The following ZNF112 variants were observed in gnomAD, a reference collection of about 807,000 sequenced individuals.
ZNF112 encodes the protein zinc finger protein 112.
ZNF112 carries 37 observed loss-of-function variants against 77.7 expected under a neutral mutation model. The ratio of observed to expected loss-of-function variants is 0.48; its 90% CI spans 0.37 to 0.63. The LOEUF is 0.63. Ranked by LOEUF, ZNF112 falls within the 20% of genes least tolerant of loss-of-function variation. The pLI, the probability that ZNF112 is intolerant of heterozygous loss-of-function variation, is 0.00. For missense variants in ZNF112, 950 were observed against 1,077.4 expected, an observed-to-expected ratio of 0.88 and a Z score of 1.66; for synonymous variants, 333 against 363.6, an observed-to-expected ratio of 0.92 and a Z score of 0.96.
intron 1 of ZNF112, among the ~76,000 whole-genome samples, chr19:44,347,533 CT>C (rs1385264577): frequency 2.0e-5 from 1 of 50,074 alleles, no homozygotes; most frequent in East Asian, 5.9e-4. Context: ...TATCTATTAG[CT>C]TTTGGCTATA....
intron 1 of ZNF112, among the ~76,000 whole-genome samples, chr19:44,341,682 T>C (rs2123178722): frequency 6.6e-6 from 1 of 152,326 alleles, no homozygotes. Context: ...TTCATCTCGA[T>C]TTCTTGTTTT....
At chr19:44,333,321 C>A (rs1238205397) in intron 3 of ZNF112, among the ~76,000 whole-genome samples, 1 of 152,096 alleles carries the variant, frequency 6.6e-6, no homozygotes, top group Admixed American at 6.5e-5. Context: ...CTCAGGTTAC[C>A]CAGGCTGAGA....
chr19:44,342,630 G>C (rs112624834), intron 1 of ZNF112, among the ~76,000 whole-genome samples: 13,893 of 151,844 alleles, frequency 0.091, 1,024 homozygotes, highest in African/African-American at 0.2. Context: ...GCCTGGCCAA[G>C]ATGGTGAAAC....
chr19:44,346,275 C>T (rs1037160055), intron 1 of ZNF112, among the ~76,000 whole-genome samples: 3 of 152,158 alleles, frequency 2.0e-5, no homozygotes, highest in Admixed American at 1.3e-4. Context: ...CTCTCAATGC[C>T]TCTGTTCTTC....
intron 3 of ZNF112, among the ~76,000 whole-genome samples, chr19:44,332,378 G>A (rs1350550406): frequency 6.6e-6 from 1 of 152,142 alleles, no homozygotes; most frequent in Non-Finnish European, 1.5e-5. Context: ...ATGCATCTTG[G>A]TACTTTAAAA....
chr19:44,360,639 T>C (rs1306794122), upstream of ZNF112, among the ~76,000 whole-genome samples: 1 of 149,272 alleles, frequency 6.7e-6, no homozygotes, highest in Non-Finnish European at 1.5e-5. Flanking sequence ...ATCTTTTGAA[T>C]TTTATATGCA....
At chr19:44,332,094 T>G (rs1337822221) in intron 3 of ZNF112, among the ~76,000 whole-genome samples, 1 of 152,188 alleles carries the variant, frequency 6.6e-6, no homozygotes, top group Non-Finnish European at 1.5e-5. Context: ...GGAGAAATGC[T>G]TGAGCCCAGG....
At chr19:44,330,689 T>A (rs2123144712) in intron 3 of ZNF112, among the ~76,000 whole-genome samples, 1 of 152,260 alleles carries the variant, frequency 6.6e-6, no homozygotes, top group African/African-American at 2.4e-5. Flanking sequence ...TGAGCTAAGA[T>A]CATGCCACTG....
upstream of ZNF112, among the ~76,000 whole-genome samples, chr19:44,357,489 C>A (rs1970805061): frequency 6.6e-6 from 1 of 152,076 alleles, no homozygotes; most frequent in African/African-American, 2.4e-5. Context: ...TTGGTGTGGA[C>A]GCGTCTGAAA....
chr19:44,367,081 C>T, exon 1 of ZNF112: 1 of 456,032 alleles, frequency 2.2e-6, no homozygotes, highest in Non-Finnish European at 4.4e-6. Flanking sequence ...GCTCACTCAC[C>T]TGGGGCCCAA....
intron 1 of ZNF112, among the ~76,000 whole-genome samples, chr19:44,342,118 C>T (rs1181855497): frequency 6.6e-6 from 1 of 152,130 alleles, no homozygotes; most frequent in African/African-American, 2.4e-5. Flanking sequence ...TGACTAAAAA[C>T]TTTAAACTAA....
At chr19:44,330,405 C>T (rs1221329124) in intron 3 of ZNF112, among the ~76,000 whole-genome samples, 5 of 152,160 alleles carry the variant, frequency 3.3e-5, no homozygotes, top group Non-Finnish European at 7.3e-5. Context: ...ACGACCTGGA[C>T]ATCGAACATG....
In ZNF112 at chr19:44,364,633, G is replaced by GA. The variant is rs530616105; in HGVS notation, c.17+2447dup. Among the ~76,000 whole-genome samples the GA allele has an allele frequency of 6.8e-5, 10 of 147,996 alleles. No homozygotes were observed. In the East Asian group the frequency reaches 1.4e-3, roughly 21 times the overall value. On this transcript the variant is annotated intron_variant, in intron 1 of 4. Transcript: ENST00000588057. Reference sequence around the variant, plus strand: ...ATGAAACAGGGATCAAAAATATTCAGAAAAAAAAATACAAATTAGCAACAC... The same window carrying GA: ...ATGAAACAGGGATCAAAAATATTCAGAAAAAAAAAATACAAATTAGCAACAC...
At chr19:44,363,486 C>T (rs1373163475) in intron 1 of ZNF112, among the ~76,000 whole-genome samples, 1 of 152,162 alleles carries the variant, frequency 6.6e-6, no homozygotes, top group Non-Finnish European at 1.5e-5. Context: ...AACCACTGTT[C>T]TACTTTTTCA....
chr19:44,355,164 C>T (rs1279288246), intron 1 of ZNF112, among the ~76,000 whole-genome samples: 1 of 151,870 alleles, frequency 6.6e-6, no homozygotes, highest in Admixed American at 6.6e-5. Flanking sequence ...AGTCATATTA[C>T]ATTTGGCTAT....
rs1970212099 is a variant in ZNF112 at position 44,329,198 on chromosome 19, G to A, written c.959C>T (p.Thr320Ile). ...ACCACATTTGCATGGTTTCTCCTCT[G>A]TATGCACTCTCTGATAGGATTTCAG... ...SHLKSYQRVH[T>I]EEKPCKCGEY... Residue 320 changes from threonine (T) to isoleucine (I), a missense_variant, in exon 4 of 4, where the codon ACA becomes ATA. This residue lies in a region of ZNF112 where 560 missense variants were observed against 557.3 expected (regional missense o/e 1.00). Transcript: ENST00000354340. The A allele has an allele frequency of 2.5e-6, 4 of 1,613,680 alleles. No homozygotes were observed. The highest frequency in any genetic ancestry group is 3.4e-6 in the Non-Finnish European group (4 of 1,179,988).
At chr19:44,358,018 G>A (rs1433322730), upstream of ZNF112, among the ~76,000 whole-genome samples, 1 of 152,122 alleles carries the variant, frequency 6.6e-6, no homozygotes, top group Non-Finnish European at 1.5e-5. Flanking sequence ...CGGGCGTGGT[G>A]GCGGGCACCT....
chr19:44,331,580 T>C (rs1452287703), intron 3 of ZNF112, among the ~76,000 whole-genome samples: 6 of 152,216 alleles, frequency 3.9e-5, no homozygotes, highest in Non-Finnish European at 7.3e-5. Flanking sequence ...GTAAAAGGGA[T>C]GTTTTTTCAT....
At chr19:44,332,812 G>A (rs1457508208) in intron 3 of ZNF112, among the ~76,000 whole-genome samples, 1 of 151,844 alleles carries the variant, frequency 6.6e-6, no homozygotes, top group Non-Finnish European at 1.5e-5. Context: ...AGGACATAGA[G>A]GAAGAAAAAA....
Sources: allele counts gnomAD v4.1 joint callset (sites outside exome capture counted in the v4.1 genomes callset), GRCh38; gene constraint gnomAD v4.1.1; regional missense constraint gnomAD v4.1.1; transcripts MANE v1.5; gene names NCBI Gene and HGNC (gene_info 2026-07-23, HGNC 2026-07-21).